Variants in PIGU observed in about 807,000 individuals in gnomAD.
PIGU encodes the protein phosphatidylinositol glycan anchor biosynthesis class U.
Under a neutral mutation model 49.9 loss-of-function variants are expected in PIGU, and 24 were observed. The ratio of observed to expected loss-of-function variants is 0.48; its 90% CI spans 0.35 to 0.68. The LOEUF (loss-of-function observed/expected upper bound fraction) is 0.68, where lower values mean the gene tolerates loss of function less well. PIGU is among the 30% of genes least tolerant of loss of function. PIGU has a pLI of 0.01. For missense variants in PIGU, 490 were observed against 532.6 expected (o/e 0.92, Z 0.79); for synonymous variants, 220 against 205.7 (o/e 1.07, Z -0.59).
intron 6 of PIGU, among the ~76,000 whole-genome samples, chr20:34,616,526 G>C (rs1985013116): frequency 6.6e-6 from 1 of 152,110 alleles, no homozygotes; most frequent in African/African-American, 2.4e-5. Context: ...ATCCAGAGCT[G>C]GAAACCCATC....
Position 34,648,200 on chromosome 20 carries a change from C to A in PIGU, c.196-2866G>T, listed in dbSNP as rs1226399676. On this transcript the variant is annotated intron_variant, in intron 2 of 11. Coordinates refer to ENST00000217446, the MANE Select transcript of PIGU (RefSeq NM_080476.5). The stretch of plus-strand genomic sequence containing the variant: ...CAGGGAGATTGAGGCTGCAGTGAGC[C>A]TTGTTTGTACCACCGCACTCCAGCC... Among the ~76,000 whole-genome samples the A allele has an allele frequency of 2.0e-5, 3 of 148,082 alleles. No individual in the cohort carries two copies. The Admixed American group carries it at 2.1e-4, about 10-fold the overall frequency.
intron 7 of PIGU, among the ~76,000 whole-genome samples, chr20:34,610,727 C>A (rs1479143187): frequency 6.6e-6 from 1 of 152,090 alleles, no homozygotes; most frequent in East Asian, 1.9e-4. Flanking sequence ...TATGGAACCC[C>A]AAAAGAGCCT....
chr20:34,562,663 A>C, intron 11 of PIGU: 1 of 929,706 alleles, frequency 1.1e-6, no homozygotes, highest in Non-Finnish European at 1.5e-6. Context: ...CACTGGACTA[A>C]TGGCCATGGA....
chr20:34,579,779 T>G (rs1196575409), intron 10 of PIGU, among the ~76,000 whole-genome samples: 4 of 152,230 alleles, frequency 2.6e-5, no homozygotes, highest in African/African-American at 7.2e-5. Flanking sequence ...TTGTGCCTCC[T>G]CACCCCAGAG....
At chr20:34,564,225 G>T (rs904885865) in intron 11 of PIGU, among the ~76,000 whole-genome samples, 3 of 152,218 alleles carry the variant, frequency 2.0e-5, no homozygotes, top group African/African-American at 7.2e-5. Flanking sequence ...GTATCAGGGT[G>T]AGTGTCTTAG....
In PIGU at chr20:34,585,491, C is replaced by T; in HGVS notation, c.872G>A (p.Cys291Tyr). 6.2e-7 allele frequency: 1 copy of T among 1,613,884 alleles called. No homozygotes were observed. Among genetic ancestry groups the T allele is most frequent in the Non-Finnish European group, 8.5e-7 (1 of 1,179,758 alleles). ...GAAGAAGACGTTGATCTGAAACACA[C>T]ATACAAAGAAGAGGCTGAAGTGCTC... ...MFEHFSLFFV[C>Y]VFQINVFFYT... The change falls in exon 9 of 12, where the codon TGT (cysteine) becomes TAT (tyrosine). Residue 291 changes from cysteine (C) to tyrosine (Y), a missense_variant. By Grantham distance (194) the Cys-to-Tyr change is radical. Coordinates refer to ENST00000217446, the MANE Select transcript of PIGU (RefSeq NM_080476.5).
At chr20:34,570,692 C>T (rs1186080596) in intron 11 of PIGU, among the ~76,000 whole-genome samples, 1 of 152,152 alleles carries the variant, frequency 6.6e-6, no homozygotes, top group South Asian at 2.1e-4. Context: ...CCACCGCGCC[C>T]GGCCGCATAA....
chr20:34,658,864 C>A (rs2146785626), intron 1 of PIGU, among the ~76,000 whole-genome samples: 1 of 151,416 alleles, frequency 6.6e-6, no homozygotes, highest in Middle Eastern at 3.4e-3. Flanking sequence ...AAGTGAGGAG[C>A]ATCTCCGCCC....
intron 11 of PIGU, among the ~76,000 whole-genome samples, chr20:34,572,252 T>C (rs766116284): frequency 4.6e-5 from 7 of 152,152 alleles, no homozygotes; most frequent in Non-Finnish European, 1.0e-4. Context: ...CAGCCTGGTC[T>C]CAAACTCCTG....
chr20:34,662,139 C>G (rs1348812752), intron 1 of PIGU, among the ~76,000 whole-genome samples: 3 of 152,154 alleles, frequency 2.0e-5, no homozygotes, highest in Admixed American at 2.0e-4. Context: ...GTGGCATGAT[C>G]AGGGCTCACT....
intron 6 of PIGU, among the ~76,000 whole-genome samples, chr20:34,627,979 C>A (rs1188996185): frequency 2.0e-5 from 3 of 152,078 alleles, no homozygotes; most frequent in African/African-American, 7.2e-5. Flanking sequence ...ACAGAAAGAC[C>A]ACTCATAAGC....
At chr20:34,613,737 C>T (rs1384848032) in intron 7 of PIGU, among the ~76,000 whole-genome samples, 1 of 152,308 alleles carries the variant, frequency 6.6e-6, no homozygotes, top group Admixed American at 6.5e-5. Context: ...AATGCTTCAA[C>T]TCAGCAAGAA....
intron 8 of PIGU, among the ~76,000 whole-genome samples, chr20:34,587,384 G>A (rs1252883129): frequency 3.3e-5 from 5 of 152,124 alleles, no homozygotes; most frequent in Admixed American, 1.3e-4. Flanking sequence ...ATAGTTGTAC[G>A]AATTTATGGG....
intron 11 of PIGU, among the ~76,000 whole-genome samples, chr20:34,572,521 G>C (rs959080718): frequency 6.6e-6 from 1 of 152,140 alleles, no homozygotes; most frequent in African/African-American, 2.4e-5. Flanking sequence ...GGGCATGGTA[G>C]TGCACGCCTA....
intron 7 of PIGU, among the ~76,000 whole-genome samples, chr20:34,591,439 G>A (rs115946570): frequency 0.014 from 2,103 of 152,036 alleles, 55 homozygotes; most frequent in African/African-American, 0.049. Flanking sequence ...TATAGAGCAG[G>A]GCACCTAATA....
intron 11 of PIGU, among the ~76,000 whole-genome samples, chr20:34,565,489 A>T (rs982222263): frequency 1.3e-5 from 2 of 151,688 alleles, no homozygotes; most frequent in Non-Finnish European, 2.9e-5. Flanking sequence ...CTCGATCTCC[A>T]GACCTCATGA....
intron 7 of PIGU, among the ~76,000 whole-genome samples, chr20:34,613,784 A>G (rs1026488527): frequency 6.6e-6 from 1 of 152,246 alleles, no homozygotes; most frequent in African/African-American, 2.4e-5. Context: ...ACTTCACTGT[A>G]TGGTGACACA....
At position 34,564,603 on chromosome 20, in the gene PIGU, C is replaced by T. The variant is rs181607363; in HGVS notation, c.1195-3624G>A. Among the ~76,000 whole-genome samples the T allele has an allele frequency of 1.1e-4, 16 of 152,316 alleles. No individual in the cohort carries two copies. The East Asian group carries it at 3.1e-3, about 29-fold the overall frequency. On this transcript the variant is annotated intron_variant, in intron 11 of 11. Transcript: ENST00000217446. ...TTGGCAAATGTACACAAAAGATTTG[C>T]ACTTTTCCCTGTATAATAAATTTTA...
rs757562636 is a variant in PIGU at position 34,560,981 on chromosome 20, TG to T, written c.1195-3del. 3.1e-6 allele frequency: 5 copies of T among 1,595,452 alleles called. No individual in the cohort carries two copies. Among genetic ancestry groups the T allele is most frequent in the East Asian group, 2.2e-5 (1 of 44,616 alleles). On this transcript the variant is annotated splice_polypyrimidine_tract_variant and splice_region_variant and intron_variant, in intron 11 of 11. Transcript: ENST00000217446. ...GAAGTAATCAGAGATGAGCAGGATC[TG>T]GGGGGAGAGAGAGGGTGTGAGGCGC...
Sources: allele counts gnomAD v4.1 joint callset (sites outside exome capture counted in the v4.1 genomes callset), GRCh38; gene constraint gnomAD v4.1.1; transcripts MANE v1.5; gene names NCBI Gene and HGNC (gene_info 2026-07-23, HGNC 2026-07-21).